Variants in DIP2A observed in about 807,000 individuals in gnomAD.
DIP2A encodes the protein DIP2 acetate--CoA ligase A.
A neutral mutation model predicts 177.4 loss-of-function variants in DIP2A; 85 were observed. That is an observed-to-expected ratio of 0.48 (90% confidence interval 0.40 to 0.57). DIP2A has a LOEUF of 0.57. Among genes scored for constraint, DIP2A ranks in the 20% least tolerant of loss-of-function variants. The pLI is 0.00. For synonymous variants in DIP2A, 886 were observed against 881.8 expected (o/e 1.00, Z -0.08); for missense variants, 1,791 against 2,100.2 (o/e 0.85, Z 2.88).
intron 1 of DIP2A, among the ~76,000 whole-genome samples, chr21:46,460,246 A>G (rs1209414386): frequency 1.3e-5 from 2 of 152,150 alleles, no homozygotes; most frequent in Non-Finnish European, 2.9e-5. Flanking sequence ...AGACTGGAGT[A>G]ATCTGGCTTC....
At chr21:46,543,906 T>C (rs2059926202) in intron 18 of DIP2A, among the ~76,000 whole-genome samples, 1 of 152,196 alleles carries the variant, frequency 6.6e-6, no homozygotes, top group Non-Finnish European at 1.5e-5. Flanking sequence ...TTTTATCTGA[T>C]TTGTGGCAAA....
intron 34 of DIP2A, among the ~76,000 whole-genome samples, chr21:46,562,387 G>T (rs1425025950): frequency 1.3e-5 from 2 of 152,240 alleles, no homozygotes; most frequent in African/African-American, 2.4e-5. Flanking sequence ...AAGGCAGCAT[G>T]AAGAGTAAGC....
intron 21 of DIP2A, among the ~76,000 whole-genome samples, chr21:46,549,230 G>T (rs2148859795): frequency 6.6e-6 from 1 of 152,264 alleles, no homozygotes; most frequent in African/African-American, 2.4e-5. Flanking sequence ...ATCCTAACAT[G>T]ATGGGTTTGG....
At chr21:46,550,163 A>G (rs1764488416) in intron 22 of DIP2A, 2 of 859,578 alleles carry the variant, frequency 2.3e-6, no homozygotes, top group Non-Finnish European at 3.4e-6. Flanking sequence ...GCACTCTCAC[A>G]GTGATTTTGA....
At chr21:46,519,877 T>A (rs2058747290) in intron 8 of DIP2A, among the ~76,000 whole-genome samples, 2 of 112,826 alleles carry the variant, frequency 1.8e-5, no homozygotes, top group Middle Eastern at 4.3e-3. Flanking sequence ...TTTTTTTTTT[T>A]TTTTTTTTTT....
At chr21:46,573,032 A>G (rs1447685221), downstream of DIP2A, among the ~76,000 whole-genome samples, 1 of 152,124 alleles carries the variant, frequency 6.6e-6, no homozygotes, top group Admixed American at 6.6e-5. Flanking sequence ...TGTTCCCCCA[A>G]TGATGAAATC....
chr21:46,466,972 T>C (rs920933268), intron 1 of DIP2A, among the ~76,000 whole-genome samples: 3 of 152,182 alleles, frequency 2.0e-5, no homozygotes, highest in Admixed American at 1.3e-4. Flanking sequence ...ATTATTTACC[T>C]TAATATCTAG....
At chr21:46,524,027 T>C (rs921606519) in intron 8 of DIP2A, among the ~76,000 whole-genome samples, 1 of 152,316 alleles carries the variant, frequency 6.6e-6, no homozygotes, top group African/African-American at 2.4e-5. Context: ...AGGCAGCCGC[T>C]TGTCAGTAAT....
Position 46,459,081 on chromosome 21 carries a change from G to T in DIP2A, c.-51G>T, listed in dbSNP as rs2054032631. 7.2e-7 allele frequency: 1 copy of T among 1,383,414 alleles called. No individual in the cohort carries two copies. The highest frequency in any genetic ancestry group is 1.5e-5 in the African/African-American group (1 of 65,472). 85.7% of individuals were successfully genotyped at this position (1,383,414 alleles called of 1,614,324 possible). A position where few individuals can be genotyped will look rare whatever the true frequency, so the allele number is the denominator to read the frequency against. On this transcript the variant is annotated 5_prime_UTR_variant, in exon 1 of 38. Coordinates refer to ENST00000417564, the MANE Select transcript of DIP2A (RefSeq NM_015151.4). ...CGTAGCCGAGGTTTGCGCTGCCGCC[G>T]CCAGGCCCGGTCCGGTTCCAGCCTC... is the stretch of plus-strand genomic sequence containing the variant.
In DIP2A at chr21:46,498,754, C is replaced by T; in HGVS notation, c.576C>T (p.Thr192=). 6.2e-7 allele frequency: 1 copy of T among 1,613,888 alleles called. No individual in the cohort carries two copies. The highest frequency in any genetic ancestry group is 8.5e-7 in the Non-Finnish European group (1 of 1,179,884). The stretch of plus-strand genomic sequence containing the variant: ...CATCTCACCCGGGAGGGAGACCCAC[C>T]ACTGCTCCCAGTGCTGCAGCCACGC... ...STSSHPGGRP[T]TAPSAAATPG... The change falls in exon 5 of 38, where the codon ACC becomes ACT. Residue 192 remains threonine (T), a synonymous_variant. Transcript: ENST00000417564. The surrounding 1 kb of genome is among the most constrained non-coding windows in gnomAD (Gnocchi z 4.3).
chr21:46,469,975 T>G (rs970376006), intron 1 of DIP2A, among the ~76,000 whole-genome samples: 3 of 152,222 alleles, frequency 2.0e-5, no homozygotes, highest in African/African-American at 7.2e-5. Context: ...GCAGTTTTGT[T>G]TTTCAAATCA....
At chr21:46,561,019 C>T (rs2060644633) in intron 33 of DIP2A, 22 of 985,382 alleles carry the variant, frequency 2.2e-5, no homozygotes, top group Non-Finnish European at 2.4e-5. Context: ...CCCAGGGGAG[C>T]TCAGTGTCTA....
intron 8 of DIP2A, among the ~76,000 whole-genome samples, chr21:46,514,642 G>GTTTTTTTTTTTTTTTTTTTTTTTTTTT (rs1159261551): frequency 1.5e-5 from 1 of 67,786 alleles, no homozygotes. Flanking sequence ...TTTTTTTTTG[G>GTTTTTTTTTTTTTTTTTTTTTTTTTTT]TTTTTTTTTT....
chr21:46,575,239 T>A, the DIP2A span, among the ~76,000 whole-genome samples: 4 of 151,930 alleles, frequency 2.6e-5, no homozygotes, highest in Non-Finnish European at 5.9e-5. Context: ...CTATAATGAT[T>A]AAAGAAAAAA....
chr21:46,476,411 C>A (rs2055849592), intron 1 of DIP2A, among the ~76,000 whole-genome samples: 1 of 152,070 alleles, frequency 6.6e-6, no homozygotes, highest in Non-Finnish European at 1.5e-5. Flanking sequence ...GAGTTGGCAT[C>A]AGCATGACTC....
At position 46,545,122 on chromosome 21, in the gene DIP2A, T is replaced by C; in HGVS notation, c.2177-15T>C. On this transcript the variant is annotated splice_polypyrimidine_tract_variant and intron_variant, in intron 18 of 37. Transcript: ENST00000417564. ...ACACGTTCTTGATAATTTTGAGTTT[T>C]TTTTCTCATTTTAGCTAATGTATGT... The C allele has an allele frequency of 1.3e-6, 2 of 1,569,262 alleles. No homozygotes were observed. The highest frequency in any genetic ancestry group is 1.7e-6 in the Non-Finnish European group (2 of 1,151,286).
intron 8 of DIP2A, among the ~76,000 whole-genome samples, chr21:46,524,727 A>G (rs2058987543): frequency 6.6e-6 from 1 of 152,066 alleles, no homozygotes; most frequent in Non-Finnish European, 1.5e-5. Flanking sequence ...GGAATTTTTT[A>G]TATTATATTC....
rs376994848 is a variant in DIP2A, at chr21:46,567,625, G to T, written c.*3G>T. 7 of 1,577,512 alleles carry T rather than the reference G, an allele frequency of 4.4e-6. No homozygotes were observed. Among genetic ancestry groups the T allele is most frequent in the African/African-American group, 4.0e-5 (3 of 74,266 alleles). Reference sequence around the variant, plus strand: ...TCTATGTCGCCTACAACATGTGAGCGCAGCACACCGGCCCAGGTGCCGGAG... The same window carrying T: ...TCTATGTCGCCTACAACATGTGAGCTCAGCACACCGGCCCAGGTGCCGGAG... On this transcript the variant is annotated 3_prime_UTR_variant, in exon 38 of 38. Transcript: ENST00000417564.
intron 6 of DIP2A, among the ~76,000 whole-genome samples, chr21:46,507,696 T>C: frequency 1.9e-5 from 1 of 52,728 alleles, no homozygotes; most frequent in African/African-American, 7.3e-5. Flanking sequence ...TCTGTTCTTT[T>C]TTTTTTTTTT....
Sources: gnomAD v4.1 joint callset for allele counts (sites outside exome capture counted in the v4.1 genomes callset) on GRCh38, gnomAD v4.1.1 for gene constraint, Gnocchi (gnomAD v3.1) non-coding constraint, MANE v1.5 for transcripts, NCBI Gene and HGNC (gene_info 2026-07-23, HGNC 2026-07-21) for gene names.